Variants in SLC12A7 observed in about 807,000 individuals in gnomAD.
SLC12A7 encodes the protein solute carrier family 12 member 7.
A neutral mutation model predicts 120.6 loss-of-function variants in SLC12A7; 100 were observed. The observed-to-expected ratio is 0.83, with a 90% CI of 0.71 to 0.98. SLC12A7 has a LOEUF of 0.98. Among genes scored for constraint, SLC12A7 ranks in the 50% least tolerant of loss-of-function variants. The probability of loss-of-function intolerance (pLI) is 0.00; values close to 1 mark genes in which losing one functional copy is unlikely to be tolerated. For missense variants in SLC12A7, 1,373 were observed against 1,548.1 expected, an observed-to-expected ratio of 0.89 and a Z score of 1.90; for synonymous variants, 760 against 678.0, an observed-to-expected ratio of 1.12 and a Z score of -1.88.
At chr5:1,074,460 G>A (rs1029042635) in intron 16 of SLC12A7, 107 bp downstream of exon 16, 28 of 1,016,416 alleles carry the variant, frequency 2.8e-5, no homozygotes, top group African/African-American at 2.2e-4. Context: ...TTGCCTGAGC[G>A]GCTGAAGGTG....
chr5:1,064,846 G>GGCGAGGGGACGGCGAAGCGACA lies in SLC12A7; in HGVS notation c.2437+436_2437+437insTGTCGCTTCGCCGTCCCCTCGC, dbSNP rs1561043253. On this transcript the variant is annotated intron_variant, in intron 18 of 23. Coordinates refer to ENST00000264930, the MANE Select transcript of SLC12A7 (RefSeq NM_006598.3). ...AACGGCGAGGGGACGGCGAAGCGAC[G>GGCGAGGGGACGGCGAAGCGACA]GCGAGGAGACGGCGAGGGGACAGCG... 3.6e-3 allele frequency among the ~76,000 whole-genome samples: 439 copies of GGCGAGGGGACGGCGAAGCGACA among 122,102 alleles called. 9 individuals carry two copies. The highest frequency in any genetic ancestry group is 0.013 in the African/African-American group (416 of 33,172). The allele number at this position is 122,102 out of a possible 152,430, so 80.1% of individuals were successfully genotyped here.
At chr5:1,124,985 A>G in the SLC12A7 span, among the ~76,000 whole-genome samples, 1 of 152,182 alleles carries the variant, frequency 6.6e-6, no homozygotes, top group African/African-American at 2.4e-5. Context: ...ACCTCGCCCC[A>G]TAACTGGTAA....
At chr5:1,075,930 T>A in intron 14 of SLC12A7, 1 of 554,334 alleles carries the variant, frequency 1.8e-6, no homozygotes, top group Middle Eastern at 4.7e-4. Context: ...TCAGGTGCAG[T>A]CTCATCAGCT....
chr5:1,104,062 G>T (rs1250823761), intron 1 of SLC12A7, among the ~76,000 whole-genome samples: 1 of 152,210 alleles, frequency 6.6e-6, no homozygotes, highest in Non-Finnish European at 1.5e-5. Context: ...CCTCTGGGCT[G>T]CGGTCGGGGA....
At position 1,100,184 on chromosome 5, in the gene SLC12A7, T is replaced by A. The variant is rs117286240; in HGVS notation, c.125-5936A>T. Among the ~76,000 whole-genome samples, 5 of 152,226 alleles carry A rather than the reference T, an allele frequency of 3.3e-5. No homozygotes were observed. In the East Asian group the frequency reaches 9.7e-4, roughly 30 times the overall value. ...GTCTGCAAATAGCTCACGAAGCCCGTGAATCATCCACGAATGTCCCTCACC... is the reference window on the plus strand; with the variant it reads ...GTCTGCAAATAGCTCACGAAGCCCGAGAATCATCCACGAATGTCCCTCACC... On this transcript the variant is annotated intron_variant, in intron 1 of 23. Transcript: ENST00000264930.
chr5:1,077,960 C>A lies in SLC12A7; in HGVS notation c.1502G>T (p.Trp501Leu). The A allele has an allele frequency of 1.3e-6, 2 of 1,598,326 alleles. No homozygotes were observed. Among genetic ancestry groups the A allele is most frequent in the Non-Finnish European group, 1.7e-6 (2 of 1,173,166 alleles). ...QGNLVIGMLA[W>L]PSPWVIVIGS... ...GATGACGATGACCCAGGGGGAGGGCCAGGCCAGCATGCCGATGACCAGGTT... is the reference window on the plus strand; with the variant it reads ...GATGACGATGACCCAGGGGGAGGGCAAGGCCAGCATGCCGATGACCAGGTT... Residue 501 changes from tryptophan (W) to leucine (L), a missense_variant, in exon 12 of 24, where the codon TGG (tryptophan) becomes TTG (leucine). Transcript: ENST00000264930.
chr5:1,147,724 A>G, the SLC12A7 span, among the ~76,000 whole-genome samples: 5 of 152,102 alleles, frequency 3.3e-5, no homozygotes, highest in Admixed American at 6.5e-5. Context: ...CTTTGCCTGT[A>G]ACTTCTTTAT....
chr5:1,122,041 CCT>C, the SLC12A7 span, among the ~76,000 whole-genome samples: 1 of 152,154 alleles, frequency 6.6e-6, no homozygotes, highest in East Asian at 1.9e-4. Flanking sequence ...TTGTGGAGGC[CCT>C]GTCTCCCAGC....
chr5:1,096,701 GAAGGAAGGAGGGAGGAAGGA>G (rs1741180133), intron 1 of SLC12A7, among the ~76,000 whole-genome samples: 1 of 86,506 alleles, frequency 1.2e-5, no homozygotes, highest in Non-Finnish European at 2.4e-5. Context: ...GGAAGGGAGG[GAAGGAAGGAGGGAGGAAGGA>G]AAGGAGGGAG....
At chr5:1,054,785 C>T (rs542922645) in intron 22 of SLC12A7, among the ~76,000 whole-genome samples, 9 of 152,374 alleles carry the variant, frequency 5.9e-5, no homozygotes, top group Admixed American at 5.2e-4. Context: ...CCACCAATTT[C>T]CAGGAGGAAC....
At chr5:1,146,992 C>T in the SLC12A7 span, among the ~76,000 whole-genome samples, 6 of 152,336 alleles carry the variant, frequency 3.9e-5, no homozygotes, top group Middle Eastern at 3.4e-3. The surrounding 1 kb of genome is among the most constrained non-coding windows in gnomAD (Gnocchi z 6.5). Flanking sequence ...CAGAATCAAT[C>T]TCTTCAAATA....
At chr5:1,100,857 G>C (rs1013830064) in intron 1 of SLC12A7, among the ~76,000 whole-genome samples, 1 of 152,214 alleles carries the variant, frequency 6.6e-6, no homozygotes, top group African/African-American at 2.4e-5. Context: ...GTGGGAACTT[G>C]GTGTCTGTCA....
At chr5:1,087,733 C>A (rs192952122) in intron 5 of SLC12A7, among the ~76,000 whole-genome samples, 2 of 152,376 alleles carry the variant, frequency 1.3e-5, no homozygotes, top group African/African-American at 4.8e-5. Context: ...GCGCAGCACA[C>A]ATGCACTCAG....
chr5:1,114,086 A>G (rs552239196), upstream of SLC12A7, among the ~76,000 whole-genome samples: 1 of 152,282 alleles, frequency 6.6e-6, no homozygotes, highest in South Asian at 2.1e-4. Context: ...CAGCTCCCGG[A>G]CTCAGGACTC....
In SLC12A7 at chr5:1,095,409, G is replaced by A. The variant is rs114015930; in HGVS notation, c.125-1161C>T. Among the ~76,000 whole-genome samples the A allele has an allele frequency of 3.0e-3, 459 of 152,308 alleles. 1 individual carries two copies. Among genetic ancestry groups the A allele is most frequent in the African/African-American group, 0.01 (429 of 41,562 alleles). ...CACATGCCCCAGCCAGGCACGGTGA[G>A]GAGCTGAAGGGCATCAAACCATAGC... is the stretch of plus-strand genomic sequence containing the variant. On this transcript the variant is annotated intron_variant, in intron 1 of 23. Coordinates refer to ENST00000264930, the MANE Select transcript of SLC12A7 (RefSeq NM_006598.3).
chr5:1,105,924 G>A (rs761953346), intron 1 of SLC12A7, among the ~76,000 whole-genome samples: 19 of 152,198 alleles, frequency 1.2e-4, no homozygotes, highest in Non-Finnish European at 1.3e-4. Flanking sequence ...CCCACAGTGG[G>A]AGGGGGAGGT....
rs1735714877 is a variant in SLC12A7, at chr5:1,057,225, G to C, written c.3026+246C>G. The C allele has an allele frequency of 1.0e-5, 5 of 479,916 alleles. No homozygotes were observed. In the East Asian group the frequency reaches 1.7e-4, roughly 16 times the overall value. 29.7% of individuals were successfully genotyped at this position (479,916 alleles called of 1,614,324 possible). On this transcript the variant is annotated intron_variant, in intron 22 of 23. Coordinates refer to ENST00000264930, the MANE Select transcript of SLC12A7 (RefSeq NM_006598.3). ...AGCACTTGGCACCCAGGTCTTACAA[G>C]GACTCCCGGCCTTGGCACTAGAAGG...
chr5:1,131,890 C>G, the SLC12A7 span, among the ~76,000 whole-genome samples: 3,538 of 152,294 alleles, frequency 0.023, 155 homozygotes, highest in African/African-American at 0.081. Context: ...TGGCTGTGTA[C>G]ACGGCAAAGC....
Position 1,057,579 on chromosome 5 carries a change from G to C in SLC12A7, c.2918C>G (p.Thr973Arg). 1 of 1,611,842 alleles carries C rather than the reference G, an allele frequency of 6.2e-7. No homozygotes were observed. Among genetic ancestry groups the C allele is most frequent in the Non-Finnish European group, 8.5e-7 (1 of 1,179,938 alleles). ...AAAARTQAPP[T>R]PDKVQMTWTR... ...CCAGGTCATCTGCACCTTGTCTGGC[G>C]TAGGCGGCGCTTGGGTCCTGGCTGC... The change falls in exon 22 of 24, where the codon ACG (threonine) becomes AGG (arginine). Residue 973 changes from threonine to arginine, a missense_variant. Transcript: ENST00000264930.
Sources: gnomAD v4.1 joint callset for allele counts (sites outside exome capture counted in the v4.1 genomes callset) on GRCh38, gnomAD v4.1.1 for gene constraint, Gnocchi (gnomAD v3.1) non-coding constraint, MANE v1.5 for transcripts, NCBI Gene and HGNC (gene_info 2026-07-23, HGNC 2026-07-21) for gene names.